Variants in FGF1 observed in about 807,000 individuals in gnomAD.
FGF1 encodes the protein fibroblast growth factor 1.
Under a neutral mutation model 13.4 loss-of-function variants are expected in FGF1, and 9 were observed. The observed-to-expected ratio is 0.67, with a 90% CI of 0.40 to 1.17. The LOEUF (loss-of-function observed/expected upper bound fraction) is 1.17. Among genes scored for constraint, FGF1 ranks in the 50% most tolerant of loss-of-function variants. The pLI is 0.01. For synonymous variants in FGF1, 93 were observed against 79.0 expected, an observed-to-expected ratio of 1.18 and a Z score of -0.94; for missense variants, 156 against 192.7, an observed-to-expected ratio of 0.81 and a Z score of 1.13.
intron 1 of FGF1, among the ~76,000 whole-genome samples, chr5:142,615,358 A>G (rs1597131689): frequency 6.6e-6 from 1 of 152,068 alleles, no homozygotes; most frequent in South Asian, 2.1e-4. Flanking sequence ...CAAGTAGCTG[A>G]GATTACAGGA....
At chr5:142,596,744 C>T (rs1755365463) in intron 3 of FGF1, among the ~76,000 whole-genome samples, 1 of 148,622 alleles carries the variant, frequency 6.7e-6, no homozygotes. Flanking sequence ...GAACCTGTCT[C>T]TAAAGAGTAA....
upstream of FGF1, chr5:142,686,205 G>A (rs911349663): frequency 5.9e-5 from 9 of 152,468 alleles, no homozygotes; most frequent in African/African-American, 2.2e-4. Context: ...TCGAGGTGGG[G>A]GGGGTGTAGG....
intron 1 of FGF1, among the ~76,000 whole-genome samples, chr5:142,675,081 A>G (rs907152975): frequency 2.6e-5 from 4 of 152,180 alleles, no homozygotes; most frequent in Non-Finnish European, 5.9e-5. Context: ...ATGGGTCGTT[A>G]GAAACAACCC....
intron 1 of FGF1, among the ~76,000 whole-genome samples, chr5:142,625,816 A>G (rs568021768): frequency 6.6e-6 from 1 of 152,358 alleles, no homozygotes; most frequent in African/African-American, 2.4e-5. Context: ...AATTTCCAGA[A>G]CCAGCCTGGC....
chr5:142,683,821 CAAAAA>C (rs768317949), intron 1 of FGF1, among the ~76,000 whole-genome samples: 1 of 49,744 alleles, frequency 2.0e-5, no homozygotes, highest in African/African-American at 8.6e-5. Context: ...AACTCTGTCT[CAAAAA>C]AAAAAAAAAA....
In FGF1 at chr5:142,655,023, T is replaced by C. The variant is rs1287691083; in HGVS notation, c.-35+30934A>G. Among the ~76,000 whole-genome samples, 6 of 152,346 alleles carry C rather than the reference T, an allele frequency of 3.9e-5. No homozygotes were observed. In the East Asian group the frequency reaches 1.2e-3, roughly 29 times the overall value. On this transcript the variant is annotated intron_variant, in intron 1 of 3. Coordinates refer to ENST00000337706, the MANE Select transcript of FGF1 (RefSeq NM_000800.5). ...GCTCCAAGGAAAACAGTCAGTTCTT[T>C]GGAAAAACTGTTTTCGTTTATGCTG... is the stretch of plus-strand genomic sequence containing the variant.
At position 142,692,390 on chromosome 5, in the gene FGF1, T is replaced by G. The variant is rs531233775; in HGVS notation, c.-35+5232A>C. ...AGCTTTATAGACCCAAGAGGAACCA[T>G]TGAGAGACTTCTCATTCTTTGCCTC... On this transcript the variant is annotated intron_variant, in intron 2 of 4. Transcript: ENST00000407758. 1.8e-3 allele frequency among the ~76,000 whole-genome samples: 269 copies of G among 152,262 alleles called. 1 individual carries two copies. Among genetic ancestry groups the G allele is most frequent in the African/African-American group, 6.2e-3 (259 of 41,532 alleles).
At chr5:142,616,510 A>G (rs911428182) in intron 1 of FGF1, among the ~76,000 whole-genome samples, 13 of 152,244 alleles carry the variant, frequency 8.5e-5, no homozygotes, top group African/African-American at 2.7e-4. Flanking sequence ...ATTTATGTCA[A>G]TTTCACAGAG....
chr5:142,687,694 G>A (rs375722097), upstream of FGF1, among the ~76,000 whole-genome samples: 44 of 152,272 alleles, frequency 2.9e-4, no homozygotes, highest in African/African-American at 8.9e-4. Context: ...TTTTAACTAC[G>A]TGAAATGATA....
At chr5:142,689,834 G>C (rs1265181391), upstream of FGF1, among the ~76,000 whole-genome samples, 3 of 150,688 alleles carry the variant, frequency 2.0e-5, no homozygotes, top group East Asian at 6.0e-4. Flanking sequence ...GAGTAGCTGG[G>C]ACTACAGGCG....
intron 1 of FGF1, among the ~76,000 whole-genome samples, chr5:142,648,706 A>G (rs1766655173): frequency 6.6e-6 from 1 of 151,112 alleles, no homozygotes; most frequent in Non-Finnish European, 1.5e-5. Context: ...AAAAAAAAAA[A>G]AAAAAAAGAA....
intron 2 of FGF1, 61 bp from the exon 3 acceptor site, chr5:142,600,866 G>A (rs1188950897): frequency 1.1e-5 from 14 of 1,253,410 alleles, no homozygotes; most frequent in Middle Eastern, 1.9e-4. Flanking sequence ...GATAGGACCC[G>A]GCAGCCAGGA....
chr5:142,678,593 T>C (rs1424327689), intron 1 of FGF1, among the ~76,000 whole-genome samples: 1 of 152,000 alleles, frequency 6.6e-6, no homozygotes, highest in African/African-American at 2.4e-5. Flanking sequence ...ACCCATTCTC[T>C]CCCCCAGTGC....
At chr5:142,671,633 G>A (rs1771478692) in intron 1 of FGF1, among the ~76,000 whole-genome samples, 1 of 152,202 alleles carries the variant, frequency 6.6e-6, no homozygotes, top group African/African-American at 2.4e-5. Context: ...GGGAAATATG[G>A]TCAGAGGGTA....
intron 1 of FGF1, among the ~76,000 whole-genome samples, chr5:142,628,667 T>G (rs1473033853): frequency 4.6e-5 from 7 of 152,222 alleles, no homozygotes; most frequent in Admixed American, 4.6e-4. Context: ...CCTTGTTTCT[T>G]TTTTTCTAAC....
intron 2 of FGF1, among the ~76,000 whole-genome samples, chr5:142,696,858 T>A (rs2152075813): frequency 6.6e-6 from 1 of 152,366 alleles, no homozygotes; most frequent in South Asian, 2.1e-4. Flanking sequence ...AGCATGGGTA[T>A]TTGTAGTCCA....
chr5:142,617,864 C>G (rs1363042355), intron 1 of FGF1, among the ~76,000 whole-genome samples: 2 of 152,174 alleles, frequency 1.3e-5, no homozygotes, highest in African/African-American at 2.4e-5. Flanking sequence ...CCTTGCCAAT[C>G]CACTATTTGT....
At chr5:142,631,139 G>T (rs1298002746) in intron 1 of FGF1, among the ~76,000 whole-genome samples, 8 of 152,184 alleles carry the variant, frequency 5.3e-5, no homozygotes. Flanking sequence ...CGCACTAAGG[G>T]ACTTCAGTGT....
At chr5:142,631,679 A>G (rs1468963590) in intron 1 of FGF1, among the ~76,000 whole-genome samples, 4 of 152,148 alleles carry the variant, frequency 2.6e-5, no homozygotes, top group Admixed American at 6.5e-5. Context: ...CCAGGGGTTA[A>G]CACCCGTTGC....
Sources: gnomAD v4.1 joint callset for allele counts (sites outside exome capture counted in the v4.1 genomes callset) on GRCh38, gnomAD v4.1.1 for gene constraint, MANE v1.5 for transcripts, NCBI Gene and HGNC (gene_info 2026-07-23, HGNC 2026-07-21) for gene names.